The following FNIP2 variants were observed in gnomAD, a reference collection of about 807,000 sequenced individuals.
FNIP2 encodes folliculin-interacting protein 2.
A neutral mutation model predicts 108.7 loss-of-function variants in FNIP2; 32 were observed. That is an observed-to-expected ratio of 0.29 (90% CI 0.22 to 0.40). The LOEUF (loss-of-function observed/expected upper bound fraction) is 0.40. FNIP2 is among the 10% of genes least tolerant of loss of function. FNIP2 has a pLI of 1.00. For missense variants in FNIP2, 1,202 were observed against 1,381.6 expected (o/e 0.87, Z 2.06); for synonymous variants, 480 against 496.7 (o/e 0.97, Z 0.45).
chr4:158,864,412 G>T (rs1317113790), intron 12 of FNIP2, among the ~76,000 whole-genome samples: 1 of 152,108 alleles, frequency 6.6e-6, no homozygotes, highest in Non-Finnish European at 1.5e-5. Context: ...TAATAAAGAT[G>T]CAATAAGTTA....
intron 1 of FNIP2, among the ~76,000 whole-genome samples, chr4:158,775,133 A>G (rs1332717131): frequency 2.6e-5 from 4 of 152,142 alleles, no homozygotes; most frequent in Non-Finnish European, 5.9e-5. Context: ...GTCATGAAAT[A>G]CTTTGGCTGC....
rs773094499 is a variant in FNIP2, at chr4:158,869,220, C to G, written c.2584C>G (p.Pro862Ala). Residue 862 changes from proline to alanine, a missense_variant, in exon 13 of 17, where the codon CCT becomes GCT. Around this residue, in one of 5 missense-constraint regions of FNIP2, gnomAD observed 878 missense variants for 990.3 expected, o/e 0.89. Coordinates refer to ENST00000264433, the MANE Select transcript of FNIP2 (RefSeq NM_020840.3). The stretch of plus-strand genomic sequence containing the variant: ...TGCCCCCAGGTGTGTCCAGCGGGGC[C>G]CTGGCCTCGTGGCTGGTGCGAATAT... ...PVAPRCVQRGPGLVAGANIPC... is the reference protein window; with the variant it reads ...PVAPRCVQRGAGLVAGANIPC... 1 of 1,614,048 alleles carries G rather than the reference C, an allele frequency of 6.2e-7. No individual in the cohort carries two copies. Among genetic ancestry groups the G allele is most frequent in the Admixed American group, 1.7e-5 (1 of 60,034 alleles).
Position 158,870,520 on chromosome 4 carries a change from G to A in FNIP2, c.2949+51G>A. 3 of 1,556,614 alleles carry A rather than the reference G, an allele frequency of 1.9e-6. No individual in the cohort carries two copies. In the South Asian group the frequency reaches 3.5e-5, roughly 18 times the overall value. On this transcript the variant is annotated intron_variant, in intron 14 of 16. Transcript: ENST00000264433. ...TGGCTGCTGACAGTGTGTCAGTCAA[G>A]GTCTTGGCTGACAACAGGTGTTTAG...
rs1006494201 is a variant in FNIP2, at chr4:158,777,605, G to A, written c.107+8286G>A. On this transcript the variant is annotated intron_variant, in intron 1 of 16. Transcript: ENST00000264433. ...TGTTTGCTTTAGAATGGTACATTGAGTAAGTTAGTTGCTAGGGCAGAAGGG... is the reference window on the plus strand; with the variant it reads ...TGTTTGCTTTAGAATGGTACATTGAATAAGTTAGTTGCTAGGGCAGAAGGG... Among the ~76,000 whole-genome samples the A allele has an allele frequency of 2.6e-5, 4 of 152,326 alleles. No individual in the cohort carries two copies. The East Asian group carries it at 7.7e-4, about 29-fold the overall frequency.
chr4:158,882,333 T>C (rs1578973550), intron 14 of FNIP2, among the ~76,000 whole-genome samples: 1 of 141,796 alleles, frequency 7.1e-6, no homozygotes. Context: ...GGGAGGGAGG[T>C]GAGGGGCAGC....
At chr4:158,813,117 G>T (rs894654623) in intron 1 of FNIP2, among the ~76,000 whole-genome samples, 1 of 152,022 alleles carries the variant, frequency 6.6e-6, no homozygotes, top group Non-Finnish European at 1.5e-5. Flanking sequence ...ATCTCTTTGC[G>T]TACTGAAGGA....
intron 12 of FNIP2, among the ~76,000 whole-genome samples, chr4:158,864,501 AGT>A (rs1780471157): frequency 1.3e-5 from 2 of 152,206 alleles, no homozygotes; most frequent in Admixed American, 1.3e-4. Context: ...ATCAGGAATA[AGT>A]GTGCCTTTAA....
chr4:158,891,599 C>T lies in FNIP2; in HGVS notation c.3103C>T (p.Leu1035Phe). ...VLVSSQVSSL[L>F]QSILQLYKLH... ...GGTCTCTAGTCAGGTGTCCAGTTTGCTTCAGTCCATTTTACAGCTCTATAA... is the reference window on the plus strand; with the variant it reads ...GGTCTCTAGTCAGGTGTCCAGTTTGTTTCAGTCCATTTTACAGCTCTATAA... Residue 1035 changes from leucine to phenylalanine, a missense_variant, in exon 15 of 17, where the codon CTT (leucine) becomes TTT (phenylalanine). By Grantham distance (22) the Leu-to-Phe change is conservative. Coordinates refer to ENST00000264433, the MANE Select transcript of FNIP2 (RefSeq NM_020840.3). 1.2e-6 allele frequency: 2 copies of T among 1,613,022 alleles called. No individual in the cohort carries two copies. The highest frequency in any genetic ancestry group is 1.7e-6 in the Non-Finnish European group (2 of 1,179,536).
At chr4:158,799,604 C>T (rs1776696882) in intron 1 of FNIP2, among the ~76,000 whole-genome samples, 1 of 152,202 alleles carries the variant, frequency 6.6e-6, no homozygotes, top group South Asian at 2.1e-4. Flanking sequence ...AGCTCAGCTT[C>T]CAACTTCTTA....
chr4:158,859,180 G>A lies in FNIP2; in HGVS notation c.981G>A (p.Arg327=). The stretch of plus-strand genomic sequence containing the variant: ...TATGTGAGAAAGAAGAAGCACAAAG[G>A]AATTTCCAGGACTTCTTCTTTTCTC... ...FSLCEKEEAQ[R]NFQDFFFSHF... The change falls in exon 9 of 17, where the codon AGG becomes AGA. Residue 327 remains arginine, a synonymous_variant. Coordinates refer to ENST00000264433, the MANE Select transcript of FNIP2 (RefSeq NM_020840.3). 1 of 1,613,680 alleles carries A rather than the reference G, an allele frequency of 6.2e-7. No homozygotes were observed. The highest frequency in any genetic ancestry group is 8.5e-7 in the Non-Finnish European group (1 of 1,179,764).
chr4:158,826,156 A>T, intron 2 of FNIP2, 114 bp downstream of exon 2: 1 of 1,371,090 alleles, frequency 7.3e-7, no homozygotes, highest in Non-Finnish European at 9.8e-7. Context: ...AGTGCCATTA[A>T]TGGTTCAGAA....
intron 14 of FNIP2, among the ~76,000 whole-genome samples, chr4:158,881,446 TCTCTTTCCAC>T: frequency 6.8e-6 from 1 of 147,462 alleles, no homozygotes; most frequent in African/African-American, 2.5e-5. Flanking sequence ...TCCCTCTCCC[TCTCTTTCCAC>T]GGTCTCCCTC....
intron 1 of FNIP2, among the ~76,000 whole-genome samples, chr4:158,772,624 A>G (rs1249076974): frequency 6.6e-6 from 1 of 152,242 alleles, no homozygotes; most frequent in Non-Finnish European, 1.5e-5. Context: ...GAGTATACCT[A>G]AGGCCAAATG....
chr4:158,861,210 G>A, intron 10 of FNIP2, 132 bp from the exon 11 acceptor site: 2 of 1,099,832 alleles, frequency 1.8e-6, no homozygotes, highest in South Asian at 3.4e-5. Flanking sequence ...TGCAACCCCT[G>A]TTATGTGTGG....
At chr4:158,901,014 G>A (rs965116011) in intron 16 of FNIP2, among the ~76,000 whole-genome samples, 24 of 151,858 alleles carry the variant, frequency 1.6e-4, no homozygotes, top group African/African-American at 4.8e-4. Context: ...AGGAGCTCTT[G>A]TAAGGCAGGC....
chr4:158,870,247 C>A, intron 13 of FNIP2, 66 bp from the exon 14 acceptor site: 1 of 1,545,990 alleles, frequency 6.5e-7, no homozygotes. Flanking sequence ...GTGCTTGTAC[C>A]AATTATAATG....
chr4:158,771,062 G>A (rs1775683498), intron 1 of FNIP2, among the ~76,000 whole-genome samples: 1 of 152,198 alleles, frequency 6.6e-6, no homozygotes, highest in Admixed American at 6.5e-5. Flanking sequence ...TTTCAGTAGT[G>A]TTCTGACTTC....
chr4:158,902,159 G>A (rs529468327), intron 16 of FNIP2, among the ~76,000 whole-genome samples: 14 of 152,080 alleles, frequency 9.2e-5, no homozygotes, highest in Admixed American at 5.9e-4. Context: ...GGTGACCTTC[G>A]GATGGGGTCT....
At chr4:158,893,684 A>G (rs779508915) in intron 15 of FNIP2, 2 of 1,586,336 alleles carry the variant, frequency 1.3e-6, no homozygotes, top group Admixed American at 3.5e-5. Context: ...AAGCAGGTTG[A>G]GTTATGCTGA....
Sources: allele counts gnomAD v4.1 joint callset (sites outside exome capture counted in the v4.1 genomes callset), GRCh38; gene constraint gnomAD v4.1.1; regional missense constraint gnomAD v4.1.1; transcripts MANE v1.5; gene names NCBI Gene and HGNC (gene_info 2026-07-23, HGNC 2026-07-21).